WDR7: variants seen among roughly 807,000 people sequenced by gnomAD.
WDR7 encodes WD repeat domain 7.
Under a neutral mutation model 169.4 loss-of-function variants are expected in WDR7, and 46 were observed. The observed-to-expected ratio is 0.27, with a 90% CI of 0.21 to 0.35. The LOEUF (loss-of-function observed/expected upper bound fraction) is 0.35, where lower values mean the gene tolerates loss of function less well. Ranked by LOEUF, WDR7 falls within the 10% of genes least tolerant of loss-of-function variation. WDR7 has a pLI of 1.00. For missense variants in WDR7, 1,534 were observed against 1,859.3 expected, an observed-to-expected ratio of 0.83 and a Z score of 3.22; for synonymous variants, 612 against 666.8, an observed-to-expected ratio of 0.92 and a Z score of 1.27.
At chr18:56,692,082 G>A (rs2025583096) in intron 9 of WDR7, among the ~76,000 whole-genome samples, 1 of 152,196 alleles carries the variant, frequency 6.6e-6, no homozygotes, top group African/African-American at 2.4e-5. Context: ...ACTTTTTGAT[G>A]AAGTTCATAT....
intron 26 of WDR7, among the ~76,000 whole-genome samples, chr18:57,016,129 G>A (rs150908503): frequency 3.9e-5 from 6 of 152,148 alleles, no homozygotes; most frequent in African/African-American, 1.2e-4. Context: ...CCTTTCAAGC[G>A]CCCCTCAAAT....
intron 15 of WDR7, among the ~76,000 whole-genome samples, chr18:56,758,016 CAT>C (rs1399488936): frequency 4.0e-5 from 6 of 151,656 alleles, no homozygotes; most frequent in Admixed American, 1.3e-4. Flanking sequence ...CTCATTGTAA[CAT>C]ATGTAATGAT....
chr18:56,878,625 C>T (rs952760651), intron 20 of WDR7, among the ~76,000 whole-genome samples: 1 of 152,102 alleles, frequency 6.6e-6, no homozygotes, highest in Non-Finnish European at 1.5e-5. Context: ...TTCAGTGATT[C>T]TTAGCATATT....
chr18:56,748,257 C>CT (rs2043735505), intron 14 of WDR7, among the ~76,000 whole-genome samples: 1 of 152,076 alleles, frequency 6.6e-6, no homozygotes, highest in African/African-American at 2.4e-5. Context: ...AGGATTGATA[C>CT]TAGGGAAGCT....
chr18:56,909,621 A>G (rs2046526463), intron 21 of WDR7, among the ~76,000 whole-genome samples: 1 of 152,150 alleles, frequency 6.6e-6, no homozygotes, highest in Admixed American at 6.6e-5. Flanking sequence ...ATAACATAAG[A>G]AGTGAATACC....
At chr18:56,914,211 T>G (rs995871379) in intron 21 of WDR7, among the ~76,000 whole-genome samples, 1 of 152,200 alleles carries the variant, frequency 6.6e-6, no homozygotes, top group Non-Finnish European at 1.5e-5. Context: ...CCACAGATAC[T>G]CACACGATTC....
At chr18:56,919,825 C>G (rs1257241394) in intron 21 of WDR7, among the ~76,000 whole-genome samples, 1 of 152,122 alleles carries the variant, frequency 6.6e-6, no homozygotes, top group Non-Finnish European at 1.5e-5. Context: ...ATGAGAAGAT[C>G]AGAATTAAAA....
Position 56,694,952 on chromosome 18 carries a change from C to A in WDR7, c.1111C>A (p.Leu371Met). 2 of 1,612,836 alleles carry A rather than the reference C, an allele frequency of 1.2e-6. No individual in the cohort carries two copies. Among genetic ancestry groups the A allele is most frequent in the South Asian group, 2.2e-5 (2 of 91,004 alleles). ...TADKQGSEEG[L>M]AMTTSISLQE... ...TATACAAAACCAAACCTCTACAGGG[C>A]TGGCAATGACAACTTCTATTAGTTT... The change falls in exon 11 of 28, where the codon CTG (leucine) becomes ATG (methionine). Residue 371 changes from leucine to methionine, a missense_variant and splice_region_variant. By Grantham distance (15) the Leu-to-Met change is conservative. Transcript: ENST00000254442.
intron 22 of WDR7, among the ~76,000 whole-genome samples, chr18:56,927,073 A>AGG (rs2046818546): frequency 6.6e-6 from 1 of 152,052 alleles, no homozygotes; most frequent in East Asian, 1.9e-4. Context: ...TTAAAATTTC[A>AGG]GTTCACGTTT....
intron 14 of WDR7, among the ~76,000 whole-genome samples, chr18:56,738,425 G>A (rs1193816390): frequency 3.3e-5 from 5 of 152,070 alleles, no homozygotes; most frequent in Admixed American, 1.3e-4. Context: ...AGGCTTAGTG[G>A]CACACACCTG....
At chr18:56,789,233 C>T (rs2044447944) in intron 19 of WDR7, among the ~76,000 whole-genome samples, 2 of 152,170 alleles carry the variant, frequency 1.3e-5, no homozygotes, top group African/African-American at 2.4e-5. Context: ...TTAATATTCT[C>T]GTGAGTTTTC....
At position 56,738,905 on chromosome 18, in the gene WDR7, T is replaced by G. The variant is rs543679170; in HGVS notation, c.1989+7308T>G. Among the ~76,000 whole-genome samples the G allele has an allele frequency of 6.6e-5, 10 of 151,834 alleles. 1 individual carries two copies. The highest frequency in any genetic ancestry group is 3.9e-4 in the Admixed American group (6 of 15,268). On this transcript the variant is annotated intron_variant, in intron 14 of 27. Transcript: ENST00000254442. ...TTAAGATGTATTGAATGTTAACTCTTTTTTGGTAACTCAGTGCAAACATTG... is the reference window on the plus strand; with the variant it reads ...TTAAGATGTATTGAATGTTAACTCTGTTTTGGTAACTCAGTGCAAACATTG...
chr18:56,878,940 T>C (rs2046066839), intron 20 of WDR7, among the ~76,000 whole-genome samples: 4 of 152,244 alleles, frequency 2.6e-5, no homozygotes, highest in Admixed American at 2.6e-4. Context: ...TATACTTAGA[T>C]TTGTACAAAA....
intron 21 of WDR7, among the ~76,000 whole-genome samples, chr18:56,918,855 A>G (rs2046668984): frequency 6.6e-6 from 1 of 152,212 alleles, no homozygotes; most frequent in African/African-American, 2.4e-5. Context: ...GTTCTTATTG[A>G]GTATAAAGCA....
chr18:56,684,540 A>G (rs541972240), intron 5 of WDR7, among the ~76,000 whole-genome samples: 1 of 152,296 alleles, frequency 6.6e-6, no homozygotes, highest in African/African-American at 2.4e-5. Flanking sequence ...GCAGGCTCTC[A>G]CTGTAGATGA....
intron 25 of WDR7, among the ~76,000 whole-genome samples, chr18:56,953,050 G>A (rs1189804388): frequency 6.6e-6 from 1 of 152,140 alleles, no homozygotes; most frequent in Non-Finnish European, 1.5e-5. Context: ...ACAAAACCAA[G>A]AGTGAACGCT....
At chr18:57,006,256 CAGAG>C (rs1290017538) in intron 26 of WDR7, among the ~76,000 whole-genome samples, 7 of 151,602 alleles carry the variant, frequency 4.6e-5, no homozygotes, top group Admixed American at 6.6e-5. Context: ...GTGTTATAAA[CAGAG>C]AGCATCACAG....
chr18:56,899,721 A>G lies in WDR7; in HGVS notation c.3526+19556A>G, dbSNP rs373488805. ...TTGTATTTTATTGTTTTAAAAAAAA[A>G]TCATTCTAGACTGTACAAGCCTGAA... On this transcript the variant is annotated intron_variant, in intron 21 of 27. Transcript: ENST00000254442. Among the ~76,000 whole-genome samples, 51 of 152,196 alleles carry G rather than the reference A, an allele frequency of 3.4e-4. No homozygotes were observed. The East Asian group carries it at 9.5e-3, about 28-fold the overall frequency.
In WDR7 at chr18:56,851,559, A is replaced by G. The variant is rs114770243; in HGVS notation, c.3305-28385A>G. Reference sequence around the variant, plus strand: ...TAGATTTTGATCTCATTGCATTTTGATGACCTACCAAAGCACCCAGCCCAC... The same window carrying G: ...TAGATTTTGATCTCATTGCATTTTGGTGACCTACCAAAGCACCCAGCCCAC... On this transcript the variant is annotated intron_variant, in intron 20 of 27. Transcript: ENST00000254442. Among the ~76,000 whole-genome samples, 852 of 152,134 alleles carry G rather than the reference A, an allele frequency of 5.6e-3. 11 individuals are homozygous for G. Among genetic ancestry groups the G allele is most frequent in the African/African-American group, 0.019 (808 of 41,480 alleles).
Sources: allele counts gnomAD v4.1 joint callset (sites outside exome capture counted in the v4.1 genomes callset), GRCh38; gene constraint gnomAD v4.1.1; transcripts MANE v1.5; gene names NCBI Gene and HGNC (gene_info 2026-07-23, HGNC 2026-07-21).